Variants in RBM19 observed in about 807,000 individuals in gnomAD.
RBM19 encodes probable RNA-binding protein 19.
RBM19 carries 94 observed loss-of-function variants against 116.8 expected under a neutral mutation model. The observed-to-expected ratio is 0.80, with a 90% confidence interval of 0.68 to 0.95. The LOEUF is 0.95. Ranked by LOEUF, RBM19 falls within the 40% of genes least tolerant of loss-of-function variation. The pLI is 0.00. For synonymous variants in RBM19, 475 were observed against 494.1 expected (o/e 0.96, Z 0.51); for missense variants, 1,161 against 1,220.7 (o/e 0.95, Z 0.73).
At chr12:113,943,438 TC>T (rs1170402338) in intron 13 of RBM19, among the ~76,000 whole-genome samples, 4 of 152,080 alleles carry the variant, frequency 2.6e-5, no homozygotes, top group African/African-American at 7.2e-5. Flanking sequence ...CAAAGTGCTC[TC>T]CGTGGAAAAC....
chr12:113,939,704 C>G (rs974939992), intron 15 of RBM19, among the ~76,000 whole-genome samples: 1 of 150,688 alleles, frequency 6.6e-6, no homozygotes, highest in South Asian at 2.1e-4. Context: ...GAGCAGAGAT[C>G]GCGCCACTGC....
chr12:113,878,121 C>T (rs985471059), intron 21 of RBM19, among the ~76,000 whole-genome samples: 1 of 152,138 alleles, frequency 6.6e-6, no homozygotes, highest in African/African-American at 2.4e-5. Context: ...TATTTACTCT[C>T]TGGCCCTTTA....
intron 7 of RBM19, among the ~76,000 whole-genome samples, chr12:113,954,449 T>C (rs1412566477): frequency 1.3e-5 from 2 of 152,348 alleles, no homozygotes; most frequent in East Asian, 3.9e-4. Flanking sequence ...GGATGAGTTG[T>C]CACTGTATTT....
At chr12:113,886,496 G>C (rs1018665728) in intron 21 of RBM19, among the ~76,000 whole-genome samples, 1 of 152,120 alleles carries the variant, frequency 6.6e-6, no homozygotes, top group Non-Finnish European at 1.5e-5. Flanking sequence ...CTCCTCTAAA[G>C]CTTTTTTGAA....
chr12:113,920,215 C>T (rs756497826), intron 19 of RBM19, among the ~76,000 whole-genome samples: 3 of 152,156 alleles, frequency 2.0e-5, no homozygotes, highest in Admixed American at 6.5e-5. Context: ...CTTCCCTGAC[C>T]ACACAGCCTA....
At chr12:113,956,505 C>T (rs1871952315) in intron 6 of RBM19, among the ~76,000 whole-genome samples, 3 of 143,868 alleles carry the variant, frequency 2.1e-5, no homozygotes, top group African/African-American at 5.3e-5. Flanking sequence ...CACTTGAACC[C>T]GGGAGGCAGA....
intron 15 of RBM19, among the ~76,000 whole-genome samples, chr12:113,937,560 C>T (rs185841782): frequency 1.4e-4 from 20 of 140,402 alleles, no homozygotes; most frequent in African/African-American, 2.5e-4. Context: ...CATATATCCA[C>T]GGGCAACACC....
intron 22 of RBM19, among the ~76,000 whole-genome samples, chr12:113,853,394 G>GA (rs1877626034): frequency 6.6e-6 from 1 of 152,218 alleles, no homozygotes. Context: ...CATTCCATGT[G>GA]AAAATAGACC....
At chr12:113,889,593 C>T (rs949223491) in intron 21 of RBM19, among the ~76,000 whole-genome samples, 9 of 152,092 alleles carry the variant, frequency 5.9e-5, no homozygotes, top group Non-Finnish European at 2.9e-5. Flanking sequence ...AGTGTGCCTG[C>T]TTCCTGATCA....
At position 113,950,125 on chromosome 12, in the gene RBM19, C is replaced by G. The variant is rs375629114; in HGVS notation, c.1030G>C (p.Glu344Gln). 4.0e-5 allele frequency: 64 copies of G among 1,611,854 alleles called. No homozygotes were observed. Among genetic ancestry groups the G allele is most frequent in the Non-Finnish European group, 5.4e-5 (64 of 1,178,154 alleles). Reference sequence around the variant, plus strand: ...CATTTCAGAGCTTGCTTCACTTCCTCTTCATTGCTGAAATCCACAAAGATG... The same window carrying G: ...CATTTCAGAGCTTGCTTCACTTCCTGTTCATTGCTGAAATCCACAAAGATG... ...GYIFVDFSNEEEVKQALKCNR... is the reference protein window; with the variant it reads ...GYIFVDFSNEQEVKQALKCNR... The change falls in exon 9 of 24, where the codon GAG becomes CAG. Residue 344 changes from glutamate to glutamine, a missense_variant. Glu to Gln is a conservative substitution (Grantham distance 29, BLOSUM62 2). Transcript: ENST00000261741.
At position 113,831,865 on chromosome 12, in the gene RBM19, T is replaced by A. The variant is rs371507934; in HGVS notation, c.2786-8544A>T. Among the ~76,000 whole-genome samples, 302 of 152,272 alleles carry A rather than the reference T, an allele frequency of 2.0e-3. 3 individuals are homozygous for A. Among genetic ancestry groups the A allele is most frequent in the South Asian group, 0.013 (61 of 4,826 alleles). ...GAAGTAGGAGGGGGTGACTGGGCGA[T>A]ACCTGCTCCAGCTGGCCTCCAGGAC... On this transcript the variant is annotated intron_variant, in intron 23 of 23. Transcript: ENST00000261741.
At position 113,949,014 on chromosome 12, in the gene RBM19, G is replaced by A; in HGVS notation, c.1095C>T (p.Phe365=). 1 of 1,614,064 alleles carries A rather than the reference G, an allele frequency of 6.2e-7. No homozygotes were observed. The highest frequency in any genetic ancestry group is 8.5e-7 in the Non-Finnish European group (1 of 1,179,952). Residue 365 remains phenylalanine, a synonymous_variant, in exon 10 of 24, where the codon TTC becomes TTT. Coordinates refer to ENST00000261741, the MANE Select transcript of RBM19 (RefSeq NM_016196.4). ...TGGTGGTGGGGACGTTCTTTTCCCT[G>A]AACACCTCGATGTAGCGCCCACCTG... ...EYMGGRYIEV[F]REKNVPTTKG...
intron 1 of RBM19, among the ~76,000 whole-genome samples, chr12:113,964,245 CA>C (rs1872706412): frequency 6.6e-6 from 1 of 152,222 alleles, no homozygotes. Context: ...TGACCTCAGG[CA>C]AATCCCTGTA....
chr12:113,962,106 G>A (rs1035064996), intron 2 of RBM19, 126 bp downstream of exon 2: 17 of 1,146,466 alleles, frequency 1.5e-5, no homozygotes, highest in African/African-American at 6.2e-5. Flanking sequence ...TGTGTGAATC[G>A]GTGAGGAAGA....
intron 21 of RBM19, among the ~76,000 whole-genome samples, chr12:113,876,200 G>C (rs1479077374): frequency 6.6e-6 from 1 of 152,198 alleles, no homozygotes; most frequent in South Asian, 2.1e-4. Flanking sequence ...TCTGGGTGGG[G>C]GGCTGCTCCC....
At chr12:113,888,397 G>T (rs186447509) in intron 21 of RBM19, among the ~76,000 whole-genome samples, 2 of 152,228 alleles carry the variant, frequency 1.3e-5, no homozygotes, top group Admixed American at 1.3e-4. Flanking sequence ...TTTAAACCTT[G>T]ACCTTCTAAG....
chr12:113,961,942 G>T (rs1872531639), intron 2 of RBM19, among the ~76,000 whole-genome samples: 1 of 152,212 alleles, frequency 6.6e-6, no homozygotes, highest in South Asian at 2.1e-4. Context: ...TTCTCAAGGT[G>T]TGGGCCTCAG....
At chr12:113,900,567 C>A (rs536801315) in intron 21 of RBM19, among the ~76,000 whole-genome samples, 1 of 152,256 alleles carries the variant, frequency 6.6e-6, no homozygotes, top group South Asian at 2.1e-4. Flanking sequence ...ATGTAATCGC[C>A]GGAGGTCAAG....
chr12:113,925,793 T>C (rs1029387698), intron 17 of RBM19, among the ~76,000 whole-genome samples: 1 of 152,092 alleles, frequency 6.6e-6, no homozygotes, highest in Non-Finnish European at 1.5e-5. Flanking sequence ...GCTGTTTGAG[T>C]GCATCTCCCA....
Sources: allele counts gnomAD v4.1 joint callset (sites outside exome capture counted in the v4.1 genomes callset), GRCh38; gene constraint gnomAD v4.1.1; transcripts MANE v1.5; gene names NCBI Gene and HGNC (gene_info 2026-07-23, HGNC 2026-07-21).